The following SGCG variants were observed in gnomAD, a reference collection of about 807,000 sequenced individuals.
SGCG encodes gamma-sarcoglycan.
In SGCG, 26 loss-of-function variants were observed where a neutral mutation model predicts 29.3. The observed-to-expected ratio is 0.89, with a 90% confidence interval of 0.65 to 1.23. SGCG has a LOEUF of 1.23. SGCG is among the 50% of genes most tolerant of loss of function. The pLI is 0.00. For missense variants in SGCG, 353 were observed against 356.0 expected (o/e 0.99, Z 0.07); for synonymous variants, 145 against 129.7 (o/e 1.12, Z -0.80).
intron 5 of SGCG, among the ~76,000 whole-genome samples, chr13:23,294,702 T>TA (rs1446410864): frequency 4.6e-5 from 7 of 152,234 alleles, no homozygotes; most frequent in African/African-American, 1.4e-4. Flanking sequence ...GAATTCAAAT[T>TA]ACAGCCTTGC....
At chr13:23,253,014 A>G (rs1251940202) in intron 4 of SGCG, among the ~76,000 whole-genome samples, 2 of 152,138 alleles carry the variant, frequency 1.3e-5, no homozygotes, top group East Asian at 3.9e-4. Context: ...AGTTGCTTCA[A>G]ATATAGTTTC....
intron 1 of SGCG, among the ~76,000 whole-genome samples, chr13:23,192,722 ATG>A (rs1877327370): frequency 6.6e-6 from 1 of 152,198 alleles, no homozygotes; most frequent in South Asian, 2.1e-4. Flanking sequence ...AAGAACAGTT[ATG>A]AGAGATGTAT....
intron 4 of SGCG, among the ~76,000 whole-genome samples, chr13:23,252,342 A>G (rs1311199115): frequency 6.6e-6 from 1 of 152,154 alleles, no homozygotes; most frequent in East Asian, 1.9e-4. Flanking sequence ...AATAAAGACT[A>G]TGTAATTATT....
At chr13:23,293,145 C>T (rs1195564033) in intron 5 of SGCG, among the ~76,000 whole-genome samples, 1 of 152,134 alleles carries the variant, frequency 6.6e-6, no homozygotes, top group East Asian at 1.9e-4. Flanking sequence ...TCTCCATTAT[C>T]GTTTAGGTTT....
chr13:23,281,441 G>A (rs932665991), intron 5 of SGCG, among the ~76,000 whole-genome samples: 1 of 152,028 alleles, frequency 6.6e-6, no homozygotes, highest in Admixed American at 6.6e-5. Context: ...TGTGACTTGA[G>A]AATCTGTGTT....
intron 2 of SGCG, among the ~76,000 whole-genome samples, chr13:23,222,868 T>G (rs1205998127): frequency 6.6e-6 from 1 of 152,128 alleles, no homozygotes; most frequent in African/African-American, 2.4e-5. Flanking sequence ...ACTTTGAAAC[T>G]TCCATGGGCA....
At chr13:23,313,896 G>A (rs1200667276) in intron 6 of SGCG, among the ~76,000 whole-genome samples, 2 of 152,148 alleles carry the variant, frequency 1.3e-5, no homozygotes, top group Non-Finnish European at 2.9e-5. Flanking sequence ...AGCTGCCAGC[G>A]AATATAAAGC....
In SGCG at chr13:23,250,019, C is replaced by T. The variant is rs186211268; in HGVS notation, c.298-611C>T. 3.6e-3 allele frequency among the ~76,000 whole-genome samples: 549 copies of T among 152,176 alleles called. 4 individuals are homozygous for T. The highest frequency in any genetic ancestry group is 0.012 in the African/African-American group (518 of 41,534). On this transcript the variant is annotated intron_variant, in intron 3 of 7. Transcript: ENST00000218867. The stretch of plus-strand genomic sequence containing the variant: ...TTGTTTACTGATACATAAAATTGTG[C>T]TTTGAAATTTATTTTTCTTTCTGTT...
chr13:23,169,300 T>C, the SGCG span, among the ~76,000 whole-genome samples: 4 of 151,750 alleles, frequency 2.6e-5, no homozygotes, highest in Admixed American at 2.6e-4. Context: ...TCTCTCCTCA[T>C]TTTTAAATAC....
chr13:23,318,044 G>A (rs1882891047), intron 6 of SGCG, among the ~76,000 whole-genome samples: 1 of 152,200 alleles, frequency 6.6e-6, no homozygotes, highest in Non-Finnish European at 1.5e-5. Context: ...CATGCTGGAT[G>A]CTTCCTGCCC....
At chr13:23,232,161 T>TG (rs1336189544) in intron 2 of SGCG, among the ~76,000 whole-genome samples, 2 of 151,290 alleles carry the variant, frequency 1.3e-5, no homozygotes, top group Non-Finnish European at 1.5e-5. Flanking sequence ...CTACCCAGTA[T>TG]GGGAGGTAGC....
intron 5 of SGCG, among the ~76,000 whole-genome samples, chr13:23,291,675 A>C (rs564777921): frequency 6.6e-6 from 1 of 152,332 alleles, no homozygotes; most frequent in African/African-American, 2.4e-5. Flanking sequence ...CATTACCATA[A>C]TCATATGTCA....
chr13:23,220,807 G>A (rs1343862902), intron 2 of SGCG, among the ~76,000 whole-genome samples: 2 of 152,150 alleles, frequency 1.3e-5, no homozygotes, highest in African/African-American at 4.8e-5. Flanking sequence ...ATGGAAAGGG[G>A]AGTGAGTTAG....
chr13:23,313,880 CTAATCA>C (rs1460034908), intron 6 of SGCG, among the ~76,000 whole-genome samples: 1 of 152,162 alleles, frequency 6.6e-6, no homozygotes, highest in Non-Finnish European at 1.5e-5. Context: ...TGGGCACAAT[CTAATCA>C]GCTGCCAGCG....
chr13:23,183,544 C>T (rs763369442), intron 1 of SGCG, among the ~76,000 whole-genome samples: 1 of 152,146 alleles, frequency 6.6e-6, no homozygotes, highest in Non-Finnish European at 1.5e-5. Flanking sequence ...GGCTGCCTGC[C>T]TATCCCTAGT....
chr13:23,231,539 C>G (rs989529254), intron 2 of SGCG, among the ~76,000 whole-genome samples: 3 of 152,040 alleles, frequency 2.0e-5, no homozygotes, highest in African/African-American at 7.2e-5. Flanking sequence ...TTTACTTGAA[C>G]CCAGAAATTT....
At chr13:23,235,324 AT>A (rs67529526) in intron 3 of SGCG, among the ~76,000 whole-genome samples, 24,227 of 151,924 alleles carry the variant, frequency 0.16, 2,478 homozygotes, top group African/African-American at 0.29. Context: ...GCGCCACTGC[AT>A]TCCAGCCTGG....
chr13:23,299,407 CATATATATATATATATATAT>C lies in SGCG; in HGVS notation c.578+3951_578+3970del, dbSNP rs1191940207. On this transcript the variant is annotated intron_variant, in intron 6 of 7. Transcript: ENST00000218867. ...AAAGATTCTGGAATATCTTAGTTGG[CATATATATATATATATATAT>C]ATATATATATATATATATATATATA... Among the ~76,000 whole-genome samples, 28 of 23,934 alleles carry C rather than the reference CATATATATATATATATATAT, an allele frequency of 1.2e-3. 2 individuals are homozygous for C. The highest frequency in any genetic ancestry group is 4.8e-3 in the African/African-American group (28 of 5,784). 15.7% of individuals were successfully genotyped at this position (23,934 alleles called of 152,430 possible). A position where few individuals can be genotyped will look rare whatever the true frequency, so the allele number is the denominator to read the frequency against.
chr13:23,252,835 A>G (rs1009493956), intron 4 of SGCG, among the ~76,000 whole-genome samples: 3 of 152,200 alleles, frequency 2.0e-5, no homozygotes, highest in African/African-American at 7.2e-5. Flanking sequence ...CATTTCATAG[A>G]TGAAAAAACT....
Sources: gnomAD v4.1 joint callset for allele counts (sites outside exome capture counted in the v4.1 genomes callset) on GRCh38, gnomAD v4.1.1 for gene constraint, MANE v1.5 for transcripts, NCBI Gene and HGNC (gene_info 2026-07-23, HGNC 2026-07-21) for gene names.